The following ZNF366 variants were observed in gnomAD, a reference collection of about 807,000 sequenced individuals.
The protein encoded by ZNF366 is zinc finger protein 366, also known as dendritic cell-specific transcript protein.
In ZNF366, 20 loss-of-function variants were observed where a neutral mutation model predicts 47.2. The ratio of observed to expected loss-of-function variants is 0.42; its 90% CI spans 0.30 to 0.62. The LOEUF (loss-of-function observed/expected upper bound fraction) is 0.62. Among genes scored for constraint, ZNF366 ranks in the 20% least tolerant of loss-of-function variants. ZNF366 has a pLI of 0.16. For missense variants in ZNF366, 987 were observed against 976.3 expected, an observed-to-expected ratio of 1.01 and a Z score of -0.15; for synonymous variants, 421 against 395.1, an observed-to-expected ratio of 1.07 and a Z score of -0.78.
chr5:72,504,931 A>T (rs1469391918), intron 1 of ZNF366, among the ~76,000 whole-genome samples: 1 of 152,248 alleles, frequency 6.6e-6, no homozygotes, highest in Non-Finnish European at 1.5e-5. Context: ...GCCCATAAAC[A>T]GTAGGCAACG....
intron 1 of ZNF366, among the ~76,000 whole-genome samples, chr5:72,504,995 C>T (rs1316440183): frequency 6.6e-6 from 1 of 152,240 alleles, no homozygotes; most frequent in African/African-American, 2.4e-5. Flanking sequence ...GCTCTACTCA[C>T]TCTAATTTGA....
At chr5:72,491,967 G>C (rs1486664449) in intron 1 of ZNF366, among the ~76,000 whole-genome samples, 2 of 152,174 alleles carry the variant, frequency 1.3e-5, no homozygotes, top group Non-Finnish European at 2.9e-5. Context: ...TGGTGGAGGA[G>C]TGTTCTAGGT....
chr5:72,500,319 T>C (rs1323739073), intron 1 of ZNF366, among the ~76,000 whole-genome samples: 7 of 152,144 alleles, frequency 4.6e-5, no homozygotes, highest in African/African-American at 1.7e-4. Flanking sequence ...TTTAGGGTAA[T>C]CTGCCTGAAA....
At position 72,440,209 on chromosome 5, in the gene ZNF366, T is replaced by C. The variant is rs948388893; in HGVS notation, c.*3547A>G. On this transcript the variant is annotated 3_prime_UTR_variant, in exon 5 of 5. Transcript: ENST00000318442. ...TTAAATGCGTTCAGGGCTTAATAAA[T>C]ACAGTATGCACATTGAGCTTTCTCA... is the stretch of plus-strand genomic sequence containing the variant. The C allele has an allele frequency of 2.6e-5, 4 of 152,336 alleles. No homozygotes were observed. The highest frequency in any genetic ancestry group is 9.6e-5 in the African/African-American group (4 of 41,584). The allele number at this position is 152,336 out of a possible 1,614,324, so 9.4% of individuals were successfully genotyped here.
intron 1 of ZNF366, among the ~76,000 whole-genome samples, chr5:72,488,550 A>T (rs1051862504): frequency 2.0e-5 from 3 of 152,242 alleles, no homozygotes; most frequent in Non-Finnish European, 4.4e-5. Context: ...AAAATCTAGC[A>T]TGTGTTCAAA....
At chr5:72,461,639 T>A in intron 1 of ZNF366, 129 bp from the exon 2 acceptor site, 1 of 1,253,260 alleles carries the variant, frequency 8.0e-7, no homozygotes, top group South Asian at 1.5e-5. Context: ...GGACCCTCAT[T>A]TATCCTAGGG....
chr5:72,458,539 G>A (rs1350858431), intron 2 of ZNF366, among the ~76,000 whole-genome samples: 2 of 152,192 alleles, frequency 1.3e-5, no homozygotes, highest in Admixed American at 6.5e-5. Context: ...TAGGATCAGT[G>A]GAATCACAGA....
In ZNF366 at chr5:72,444,128, C is replaced by T. The variant is rs141905572; in HGVS notation, c.1863G>A (p.Glu621=). The change falls in exon 5 of 5, where the codon GAG becomes GAA. Residue 621 remains glutamate (E), a synonymous_variant. Coordinates refer to ENST00000318442, the MANE Select transcript of ZNF366 (RefSeq NM_152625.3). ...GCTCCACCTCGTAGCAGTTATCCTCCTCTTCCTCCTCGTGGCAGTGGCTGC... is the reference window on the plus strand; with the variant it reads ...GCTCCACCTCGTAGCAGTTATCCTCTTCTTCCTCCTCGTGGCAGTGGCTGC... ...AQGSHCHEEE[E]EDNCYEVEPY... is the part of the protein sequence containing the mutation. 87 of 1,613,860 alleles carry T rather than the reference C, an allele frequency of 5.4e-5. No homozygotes were observed. The highest frequency in any genetic ancestry group is 8.8e-5 in the South Asian group (8 of 91,090).
intron 1 of ZNF366, 88 bp downstream of exon 1, chr5:72,507,163 G>C: frequency 1.1e-6 from 1 of 944,512 alleles, no homozygotes; most frequent in Non-Finnish European, 1.3e-6. Context: ...ACTACTCCCA[G>C]TAAGGTATTT....
chr5:72,501,445 A>G (rs1248866895), intron 1 of ZNF366, among the ~76,000 whole-genome samples: 1 of 152,134 alleles, frequency 6.6e-6, no homozygotes, highest in African/African-American at 2.4e-5. Context: ...CAAAATCCCA[A>G]CTTTTGTTAC....
rs773161566 is a variant in ZNF366 at position 72,461,126 on chromosome 5, T to C, written c.371A>G (p.Tyr124Cys). The C allele has an allele frequency of 6.2e-7, 1 of 1,613,930 alleles. No homozygotes were observed. Among genetic ancestry groups the C allele is most frequent in the Non-Finnish European group, 8.5e-7 (1 of 1,179,976 alleles). ...LLFPQPPRPK[Y>C]DSQMIDLCNV... is the part of the protein sequence containing the mutation. Reference sequence around the variant, plus strand: ...GCACAGGTCGATCATCTGAGAGTCATACTTGGGGCGCGGGGGCTGCGGGAA... The same window carrying C: ...GCACAGGTCGATCATCTGAGAGTCACACTTGGGGCGCGGGGGCTGCGGGAA... Residue 124 changes from tyrosine (Y) to cysteine (C), a missense_variant, in exon 2 of 5, where the codon TAT becomes TGT. By Grantham distance (194) the Tyr-to-Cys change is radical. This residue lies in a region of ZNF366 where 591 missense variants were observed against 560.9 expected (regional missense o/e 1.05). Transcript: ENST00000318442.
intron 1 of ZNF366, among the ~76,000 whole-genome samples, chr5:72,490,642 T>C (rs1580252267): frequency 6.6e-6 from 1 of 152,176 alleles, no homozygotes; most frequent in South Asian, 2.1e-4. Context: ...ATGGGGGCAA[T>C]GGCATTGCTA....
At position 72,473,061 on chromosome 5, in the gene ZNF366, G is replaced by C. The variant is rs150612870; in HGVS notation, c.-14-11551C>G. Among the ~76,000 whole-genome samples the C allele has an allele frequency of 2.3e-3, 347 of 152,278 alleles. 1 individual carries two copies. In the Middle Eastern group the frequency reaches 0.044, roughly 19 times the overall value. On this transcript the variant is annotated intron_variant, in intron 1 of 4. Coordinates refer to ENST00000318442, the MANE Select transcript of ZNF366 (RefSeq NM_152625.3). ...ACCATTTCCTAAACCTTTCTGCGTT[G>C]TCACTATCTTATACAATCACCAGTA...
In ZNF366 at chr5:72,441,123, G is replaced by T. The variant is rs913881261; in HGVS notation, c.*2633C>A. On this transcript the variant is annotated 3_prime_UTR_variant, in exon 5 of 5. Transcript: ENST00000318442. ...ACACAATCTGAAAACCACCATTCTA[G>T]ACCATACTCTCTCTGTCTCAACATT... 1 of 152,038 alleles carries T rather than the reference G, an allele frequency of 6.6e-6. No individual in the cohort carries two copies. Among genetic ancestry groups the T allele is most frequent in the African/African-American group, 2.4e-5 (1 of 41,382 alleles). The allele number at this position is 152,038 out of a possible 1,614,324, so 9.4% of individuals were successfully genotyped here. A position where few individuals can be genotyped will look rare whatever the true frequency, so the allele number is the denominator to read the frequency against.
rs1185389278 is a variant in ZNF366, at chr5:72,460,812, C to G, written c.685G>C (p.Val229Leu). 3.1e-6 allele frequency: 5 copies of G among 1,614,098 alleles called. No individual in the cohort carries two copies. Among genetic ancestry groups the G allele is most frequent in the African/African-American group, 1.3e-5 (1 of 74,928 alleles). ...TGCACGTTCACGTCCACCCTCTCCA[C>G]CTTCTGCTTGGTCTCCTCGCTCTCC... ...PQESEETKQK[V>L]ERVDVNVQID... is the part of the protein sequence containing the mutation. The change falls in exon 2 of 5, where the codon GTG becomes CTG. Residue 229 changes from valine to leucine, a missense_variant. This residue lies in a region of ZNF366 where 591 missense variants were observed against 560.9 expected (regional missense o/e 1.05). Transcript: ENST00000318442.
chr5:72,455,059 C>A (rs1465225120), intron 3 of ZNF366, among the ~76,000 whole-genome samples: 1 of 152,196 alleles, frequency 6.6e-6, no homozygotes, highest in Non-Finnish European at 1.5e-5. Context: ...GTGGCCTGTG[C>A]TGCATGAAGC....
At chr5:72,468,225 G>A (rs1209434405) in intron 1 of ZNF366, among the ~76,000 whole-genome samples, 1 of 152,162 alleles carries the variant, frequency 6.6e-6, no homozygotes, top group Non-Finnish European at 1.5e-5. Flanking sequence ...TCAAAAAAGT[G>A]AATGTTCTGC....
rs746805469 is a variant in ZNF366, at chr5:72,460,502, C to G, written c.995G>C (p.Ser332Thr). 6.2e-7 allele frequency: 1 copy of G among 1,614,016 alleles called. No individual in the cohort carries two copies. Among genetic ancestry groups the G allele is most frequent in the Admixed American group, 1.7e-5 (1 of 60,016 alleles). Residue 332 changes from serine (S) to threonine (T), a missense_variant, in exon 2 of 5, where the codon AGC (serine) becomes ACC (threonine). This residue lies in a region of ZNF366 where 591 missense variants were observed against 560.9 expected (regional missense o/e 1.05). Coordinates refer to ENST00000318442, the MANE Select transcript of ZNF366 (RefSeq NM_152625.3). Reference protein sequence around the residue: ...SHLKRHMMQHSEVKPHNCRVC... With the variant: ...SHLKRHMMQHTEVKPHNCRVC... ...GCGGCAGTTGTGCGGCTTCACCTCG[C>G]TGTGCTGCATCATGTGGCGCTTCAG...
intron 1 of ZNF366, among the ~76,000 whole-genome samples, chr5:72,464,542 A>G (rs1387800363): frequency 2.0e-5 from 3 of 152,218 alleles, no homozygotes; most frequent in African/African-American, 7.2e-5. Context: ...GCAAAAAAAA[A>G]AATGTCGAAC....
Sources: allele counts gnomAD v4.1 joint callset (sites outside exome capture counted in the v4.1 genomes callset), GRCh38; gene constraint gnomAD v4.1.1; regional missense constraint gnomAD v4.1.1; transcripts MANE v1.5; gene names NCBI Gene and HGNC (gene_info 2026-07-23, HGNC 2026-07-21).